The following AHI1 variants were observed in gnomAD, a reference collection of about 807,000 sequenced individuals.
AHI1 encodes Abelson helper integration site 1.
Under a neutral mutation model 149.3 loss-of-function variants are expected in AHI1, and 123 were observed. That is an observed-to-expected ratio of 0.82 (90% CI 0.71 to 0.96). The LOEUF is 0.96. AHI1 is among the 40% of genes least tolerant of loss of function. The probability of loss-of-function intolerance (pLI) is 0.00; values close to 1 mark genes in which losing one functional copy is unlikely to be tolerated. For synonymous variants in AHI1, 475 were observed against 459.8 expected (o/e 1.03, Z -0.42); for missense variants, 1,439 against 1,422.7 (o/e 1.01, Z -0.18).
Position 135,455,759 on chromosome 6 carries a change from C to T in AHI1, c.1319G>A (p.Ser440Asn), listed in dbSNP as rs775268892. Reference protein sequence around the residue: ...FPYLLRGSDESPKVILFFEIL... With the variant: ...FPYLLRGSDENPKVILFFEIL... ...CTCAAAGAACAGGATGACTTTAGGA[C>T]TCTCATCAGAGCCTCGAAGCAAATA... The change falls in exon 10 of 29, where the codon AGT (serine) becomes AAT (asparagine). Residue 440 changes from serine to asparagine, a missense_variant. Physicochemically the swap from Ser to Asn is conservative, Grantham distance 46. Transcript: ENST00000265602. 6.2e-7 allele frequency: 1 copy of T among 1,602,042 alleles called. No homozygotes were observed.
intron 3 of AHI1, 200 bp downstream of exon 3, chr6:135,495,614 T>G (rs1045826250): frequency 2.0e-5 from 3 of 152,278 alleles, no homozygotes; most frequent in Non-Finnish European, 4.4e-5. Flanking sequence ...TACCTCAACC[T>G]TGAATTTTCA....
In AHI1 at chr6:135,448,449, GT is replaced by G; in HGVS notation, c.1466del (p.Asn489ThrfsTer21). 1 of 1,539,942 alleles carries G rather than the reference GT, an allele frequency of 6.5e-7. No homozygotes were observed. Among genetic ancestry groups the G allele is most frequent in the Non-Finnish European group, 8.9e-7 (1 of 1,129,420 alleles). On this transcript the variant is annotated frameshift_variant, in exon 12 of 29. Transcript: ENST00000265602. LOFTEE classifies it high-confidence loss of function. The stretch of plus-strand genomic sequence containing the variant: ...GCTGCAAGCGAAGTTTTGAGTTGAT[GT>G]TTGCATTTCCATTGGCTCCCAGAAG... ...LKLLGANGNA[N>X]INSKLRLQLY... is the part of the protein sequence containing the mutation.
At chr6:135,320,076 C>T (rs1255492014) in intron 25 of AHI1, among the ~76,000 whole-genome samples, 1 of 152,146 alleles carries the variant, frequency 6.6e-6, no homozygotes, top group East Asian at 1.9e-4. Context: ...CTAGAATATG[C>T]TACTGACAGT....
intron 26 of AHI1, chr6:135,302,678 G>A (rs1784026516): frequency 1.7e-6 from 2 of 1,195,214 alleles, no homozygotes; most frequent in Non-Finnish European, 2.1e-6. Flanking sequence ...ACTTAACTAG[G>A]ACCAATATTT....
chr6:135,427,191 G>GA lies in AHI1; in HGVS notation c.2739dup (p.Leu914SerfsTer15). On this transcript the variant is annotated frameshift_variant, in exon 20 of 29. Transcript: ENST00000265602. LOFTEE classifies it high-confidence loss of function. ...CCATGGAAATCGTAAATATACAGAA[G>GA]AATTGGCTCATTTTGCCCAAATGCA... 1 of 1,610,260 alleles carries GA rather than the reference G, an allele frequency of 6.2e-7. No homozygotes were observed. Among genetic ancestry groups the GA allele is most frequent in the Non-Finnish European group, 8.5e-7 (1 of 1,177,534 alleles).
intron 1 of AHI1, 64 bp from the exon 2 acceptor site, chr6:135,497,313 G>C (rs557571399): frequency 1.3e-5 from 2 of 152,404 alleles, no homozygotes; most frequent in East Asian, 3.9e-4. Flanking sequence ...AGAATCGGGA[G>C]TAGGAAAGGC....
chr6:135,321,024 C>T (rs888774103), intron 25 of AHI1, among the ~76,000 whole-genome samples: 1 of 152,160 alleles, frequency 6.6e-6, no homozygotes, highest in Non-Finnish European at 1.5e-5. Context: ...AAATTTCTTC[C>T]TTTCATACGG....
At chr6:135,494,874 T>C (rs1270244986) in intron 3 of AHI1, among the ~76,000 whole-genome samples, 2 of 152,176 alleles carry the variant, frequency 1.3e-5, no homozygotes, top group African/African-American at 4.8e-5. Context: ...ATGTTGCCTA[T>C]ATACTGTGTG....
chr6:135,429,154 C>T (rs1007309814), intron 18 of AHI1, among the ~76,000 whole-genome samples: 5 of 151,580 alleles, frequency 3.3e-5, no homozygotes, highest in Non-Finnish European at 7.4e-5. Context: ...CTCATATATT[C>T]TTCTGATGAA....
chr6:135,492,250 T>G lies in AHI1; in HGVS notation c.-13A>C. 3.9e-6 allele frequency: 6 copies of G among 1,538,226 alleles called. No individual in the cohort carries two copies. Among genetic ancestry groups the G allele is most frequent in the Non-Finnish European group, 5.3e-6 (6 of 1,139,840 alleles). Reference sequence around the variant, plus strand: ...TACCTGTAGGCATCTCTCAGCTTTATGCAGAGGACTGAGAATGCAAAGCAT... The same window carrying G: ...TACCTGTAGGCATCTCTCAGCTTTAGGCAGAGGACTGAGAATGCAAAGCAT... On this transcript the variant is annotated 5_prime_UTR_variant, in exon 4 of 29. Transcript: ENST00000265602.
rs550972170 is a variant in AHI1, at chr6:135,299,352, T to C, written c.3485+1148A>G. On this transcript the variant is annotated intron_variant, in intron 27 of 28. Coordinates refer to ENST00000265602, the MANE Select transcript of AHI1 (RefSeq NM_001134831.2). ...TTTTGTACTGGAAGAGACATATTAT[T>C]CTTCAAATTGCCAAAGCATATAGCA... 5.5e-4 allele frequency among the ~76,000 whole-genome samples: 84 copies of C among 152,326 alleles called. 2 individuals are homozygous for C. The South Asian group carries it at 0.017, about 31-fold the overall frequency.
At chr6:135,455,076 G>T (rs908639417) in intron 10 of AHI1, among the ~76,000 whole-genome samples, 1 of 152,168 alleles carries the variant, frequency 6.6e-6, no homozygotes, top group African/African-American at 2.4e-5. Flanking sequence ...ATAGAGTAAA[G>T]AAATGTGGTA....
At position 135,318,424 on chromosome 6, in the gene AHI1, T is replaced by C. The variant is rs1404869137; in HGVS notation, c.3426+95A>G. The C allele has an allele frequency of 3.6e-6, 3 of 823,138 alleles. No individual in the cohort carries two copies. The East Asian group carries it at 8.0e-5, about 22-fold the overall frequency. The allele number at this position is 823,138 out of a possible 1,614,324, so 51.0% of individuals were successfully genotyped here. On this transcript the variant is annotated intron_variant, in intron 26 of 28. Coordinates refer to ENST00000265602, the MANE Select transcript of AHI1 (RefSeq NM_001134831.2). Reference sequence around the variant, plus strand: ...AAGACATAAAAAATAATGTGAACAATGAAGGATAATAAGCATAAAAAATAA... The same window carrying C: ...AAGACATAAAAAATAATGTGAACAACGAAGGATAATAAGCATAAAAAATAA...
intron 23 of AHI1, among the ~76,000 whole-genome samples, chr6:135,383,152 T>C (rs1396825251): frequency 2.7e-5 from 4 of 148,588 alleles, no homozygotes; most frequent in African/African-American, 7.4e-5. Flanking sequence ...TATATATAAA[T>C]ATATACACTG....
Position 135,466,149 on chromosome 6 carries a change from T to G in AHI1, c.414A>C (p.Thr138=). The change falls in exon 7 of 29, where the codon ACA becomes ACC. Residue 138 remains threonine (T), a synonymous_variant. Transcript: ENST00000265602. Reference sequence around the variant, plus strand: ...CAGGAGTTTCCGGTTTCAGGTCTTGTGTAGTCAACTGGGGCACCGTCTTTA... The same window carrying G: ...CAGGAGTTTCCGGTTTCAGGTCTTGGGTAGTCAACTGGGGCACCGTCTTTA... ...KVIKTVPQLT[T]QDLKPETPEN... is the part of the protein sequence containing the mutation. The G allele has an allele frequency of 6.2e-7, 1 of 1,613,926 alleles. No individual in the cohort carries two copies. Among genetic ancestry groups the G allele is most frequent in the Non-Finnish European group, 8.5e-7 (1 of 1,179,852 alleles).
At chr6:135,474,117 GCT>G (rs1415078216) in intron 5 of AHI1, among the ~76,000 whole-genome samples, 1 of 152,206 alleles carries the variant, frequency 6.6e-6, no homozygotes, top group Non-Finnish European at 1.5e-5. Flanking sequence ...GCTAGGACAA[GCT>G]CTGATGCTTG....
At chr6:135,397,474 T>C (rs1043853379) in intron 22 of AHI1, among the ~76,000 whole-genome samples, 8 of 151,926 alleles carry the variant, frequency 5.3e-5, no homozygotes, top group Non-Finnish European at 8.8e-5. Flanking sequence ...ACCTCCATAT[T>C]GGAGAAAACT....
At chr6:135,429,615 G>A (rs1170936983) in intron 18 of AHI1, among the ~76,000 whole-genome samples, 2 of 151,318 alleles carry the variant, frequency 1.3e-5, no homozygotes, top group Non-Finnish European at 3.0e-5. Context: ...CTACATTTCA[G>A]CCTCAGAACT....
At chr6:135,492,112 G>T in intron 4 of AHI1, 116 bp downstream of exon 4, 1 of 657,314 alleles carries the variant, frequency 1.5e-6, no homozygotes, top group South Asian at 3.6e-5. Flanking sequence ...TAGTATATTT[G>T]GTCAATGACA....
Sources: gnomAD v4.1 joint callset for allele counts (sites outside exome capture counted in the v4.1 genomes callset) on GRCh38, gnomAD v4.1.1 for gene constraint, MANE v1.5 for transcripts, NCBI Gene and HGNC (gene_info 2026-07-23, HGNC 2026-07-21) for gene names.